CYFIP2: variants seen among roughly 807,000 people sequenced by gnomAD.
CYFIP2 encodes the protein cytoplasmic FMR1 interacting protein 2, also known as cytoplasmic FMR1-interacting protein 2.
CYFIP2 carries 29 observed loss-of-function variants against 158.7 expected under a neutral mutation model. The observed-to-expected ratio is 0.18, with a 90% CI of 0.14 to 0.25. The LOEUF (loss-of-function observed/expected upper bound fraction) is 0.25. Among genes scored for constraint, CYFIP2 ranks in the 10% least tolerant of loss-of-function variants. CYFIP2 has a pLI of 1.00. For missense variants in CYFIP2, 852 were observed against 1,639.5 expected, an observed-to-expected ratio of 0.52 and a Z score of 8.29; for synonymous variants, 585 against 617.6, an observed-to-expected ratio of 0.95 and a Z score of 0.78.
intron 8 of CYFIP2, 104 bp from the exon 9 acceptor site, chr5:157,307,655 GTA>G (rs1491042717): frequency 4.7e-4 from 290 of 613,984 alleles, no homozygotes; most frequent in African/African-American, 4.0e-3. Flanking sequence ...GTGTGTGTGT[GTA>G]TGTGTGTGTG....
chr5:157,338,992 T>G, intron 21 of CYFIP2, 65 bp from the exon 22 acceptor site: 2 of 1,480,784 alleles, frequency 1.4e-6, no homozygotes, highest in Non-Finnish European at 1.8e-6. Flanking sequence ...AGCAGTAAGA[T>G]AAAACACACA....
intron 28 of CYFIP2, 94 bp from the exon 29 acceptor site, chr5:157,389,095 T>C: frequency 8.0e-7 from 1 of 1,244,880 alleles, no homozygotes. Flanking sequence ...CAATTTCAGG[T>C]GCAGCCAGCT....
At position 157,361,285 on chromosome 5, in the gene CYFIP2, C is replaced by T. The variant is rs1490727347; in HGVS notation, c.2909-183C>T. 8 of 636,508 alleles carry T rather than the reference C, an allele frequency of 1.3e-5. No homozygotes were observed. Among genetic ancestry groups the T allele is most frequent in the African/African-American group, 3.7e-5 (2 of 53,826 alleles). The allele number at this position is 636,508 out of a possible 1,614,324, so 39.4% of individuals were successfully genotyped here. A position where few individuals can be genotyped will look rare whatever the true frequency, so the allele number is the denominator to read the frequency against. The stretch of plus-strand genomic sequence containing the variant: ...CTGAAAAAGACATGAGCCAGCTACT[C>T]GAACTTTGTCCAGTACTGAGCCCTG... On this transcript the variant is annotated intron_variant, in intron 25 of 30. Coordinates refer to ENST00000620254, the MANE Select transcript of CYFIP2 (RefSeq NM_001037333.3). This position sits in a 1 kb window ranked among gnomAD's most constrained non-coding sequence, Gnocchi z 4.4.
intron 1 of CYFIP2, among the ~76,000 whole-genome samples, chr5:157,281,128 A>G (rs1756955738): frequency 6.6e-6 from 1 of 152,192 alleles, no homozygotes; most frequent in Non-Finnish European, 1.5e-5. Flanking sequence ...TGCTGATTAC[A>G]TCACTGGGGT....
intron 26 of CYFIP2, chr5:157,364,100 C>T (rs935334455): frequency 6.6e-6 from 1 of 151,136 alleles, no homozygotes; most frequent in East Asian, 2.0e-4. Flanking sequence ...GATCAGCAGA[C>T]CCAGGTTGCT....
At chr5:157,304,391 C>T (rs1431826655) in intron 8 of CYFIP2, 25 bp downstream of exon 8, 1 of 1,605,898 alleles carries the variant, frequency 6.2e-7, no homozygotes, top group Non-Finnish European at 8.5e-7. Context: ...AGGCCGCACC[C>T]ATGGAGCCTG....
At chr5:157,389,590 G>A (rs539973602) in intron 29 of CYFIP2, 163 bp downstream of exon 29, 52 of 634,734 alleles carry the variant, frequency 8.2e-5, no homozygotes, top group Middle Eastern at 3.9e-4. Flanking sequence ...GCAAGAAAGA[G>A]CCCAGTAAGG....
intron 9 of CYFIP2, 92 bp from the exon 10 acceptor site, chr5:157,309,651 C>G (rs1319180995): frequency 1.7e-6 from 2 of 1,178,508 alleles, no homozygotes; most frequent in South Asian, 2.6e-5. Flanking sequence ...CAGGCACACA[C>G]AGAGGCCTGC....
chr5:157,286,548 T>TTATA (rs1757395470), intron 2 of CYFIP2, among the ~76,000 whole-genome samples: 1 of 99,240 alleles, frequency 1.0e-5, no homozygotes, highest in African/African-American at 4.4e-5. Flanking sequence ...ATATGCTATT[T>TTATA]TATGTATATA....
intron 26 of CYFIP2, among the ~76,000 whole-genome samples, chr5:157,381,234 A>G (rs1766033406): frequency 1.3e-5 from 2 of 152,078 alleles, no homozygotes; most frequent in South Asian, 4.2e-4. Context: ...ACTACTCTGG[A>G]TTTGGTAGTT....
chr5:157,311,876 G>A lies in CYFIP2; in HGVS notation c.1110+95G>A. On this transcript the variant is annotated intron_variant, in intron 11 of 30. Transcript: ENST00000620254. The surrounding 1 kb of genome is among the most constrained non-coding windows in gnomAD (Gnocchi z 4.7). ...AAGAACATGGACCCACGGAACACTG[G>A]AGAGTAGAAGGGAGGGAGGCAGGAG... The A allele has an allele frequency of 8.6e-7, 1 of 1,167,120 alleles. No individual in the cohort carries two copies. Among genetic ancestry groups the A allele is most frequent in the South Asian group, 1.4e-5 (1 of 70,168 alleles). The allele number at this position is 1,167,120 out of a possible 1,614,324, so 72.3% of individuals were successfully genotyped here. A position where few individuals can be genotyped will look rare whatever the true frequency, so the allele number is the denominator to read the frequency against.
chr5:157,308,836 T>C (rs1206743400), intron 9 of CYFIP2, among the ~76,000 whole-genome samples: 1 of 152,144 alleles, frequency 6.6e-6, no homozygotes, highest in African/African-American at 2.4e-5. Context: ...GAGATGAGGG[T>C]AGAAGAGAAA....
intron 19 of CYFIP2, among the ~76,000 whole-genome samples, chr5:157,329,892 G>C (rs988214624): frequency 1.3e-5 from 2 of 152,172 alleles, no homozygotes; most frequent in Non-Finnish European, 2.9e-5. Flanking sequence ...AATACACCTA[G>C]CCACTTTACT....
At chr5:157,347,089 C>A (rs1293204803) in intron 23 of CYFIP2, among the ~76,000 whole-genome samples, 2 of 152,174 alleles carry the variant, frequency 1.3e-5, no homozygotes, top group Non-Finnish European at 2.9e-5. Context: ...TAAAAGTCAG[C>A]TTTTCTCTTC....
At chr5:157,327,128 G>C (rs537174590) in intron 18 of CYFIP2, among the ~76,000 whole-genome samples, 52 of 152,272 alleles carry the variant, frequency 3.4e-4, no homozygotes, top group African/African-American at 1.3e-3. Context: ...CTTCATGTCT[G>C]TGTGAATTAT....
At chr5:157,365,717 A>G (rs1020641255) in intron 26 of CYFIP2, among the ~76,000 whole-genome samples, 2 of 150,534 alleles carry the variant, frequency 1.3e-5, no homozygotes, top group African/African-American at 4.9e-5. Flanking sequence ...TTCTATTTCC[A>G]GAGATAGTGT....
At chr5:157,342,768 G>A (rs977773007) in intron 23 of CYFIP2, 45 of 1,250,596 alleles carry the variant, frequency 3.6e-5, no homozygotes, top group Non-Finnish European at 4.8e-5. Context: ...CGTTTGATGG[G>A]AGAGAAATGG....
chr5:157,313,525 T>C (rs958360789), intron 11 of CYFIP2, among the ~76,000 whole-genome samples: 2 of 152,344 alleles, frequency 1.3e-5, no homozygotes. Flanking sequence ...GACACTTGTT[T>C]ACTGTATGAG....
chr5:157,386,777 G>A (rs888861472), intron 28 of CYFIP2, among the ~76,000 whole-genome samples: 6 of 152,062 alleles, frequency 3.9e-5, no homozygotes, highest in African/African-American at 7.2e-5. Context: ...AAAATTAGTC[G>A]GGCGTGGTGG....
Sources: gnomAD v4.1 joint callset for allele counts (sites outside exome capture counted in the v4.1 genomes callset) on GRCh38, gnomAD v4.1.1 for gene constraint, Gnocchi (gnomAD v3.1) non-coding constraint, MANE v1.5 for transcripts, NCBI Gene and HGNC (gene_info 2026-07-23, HGNC 2026-07-21) for gene names.